The following BMAL1 variants were observed in gnomAD, a reference collection of about 807,000 sequenced individuals.
The protein encoded by BMAL1 is basic helix-loop-helix ARNT-like protein 1.
At chr11:13,367,030 T>C in the BMAL1 span, among the ~76,000 whole-genome samples, 1 of 152,358 alleles carries the variant, frequency 6.6e-6, no homozygotes, top group Non-Finnish European at 1.5e-5. Flanking sequence ...TAGACTGGAT[T>C]CTTTCTGATT....
At chr11:13,313,891 C>A in the BMAL1 span, among the ~76,000 whole-genome samples, 1 of 150,920 alleles carries the variant, frequency 6.6e-6, no homozygotes, top group African/African-American at 2.4e-5. Context: ...TTTTGCTCCC[C>A]CACCCCCACC....
At chr11:13,334,612 T>C in the BMAL1 span, among the ~76,000 whole-genome samples, 2 of 151,198 alleles carry the variant, frequency 1.3e-5, no homozygotes, top group South Asian at 4.2e-4. Flanking sequence ...GGCCAGAAAG[T>C]AGAAGGAGAG....
the BMAL1 span, among the ~76,000 whole-genome samples, chr11:13,377,994 G>A: frequency 6.6e-6 from 1 of 152,186 alleles, no homozygotes. Context: ...TGTTCATCTT[G>A]TTGGTTTTCC....
the BMAL1 span, among the ~76,000 whole-genome samples, chr11:13,350,298 C>T: frequency 6.6e-6 from 1 of 152,212 alleles, no homozygotes; most frequent in Admixed American, 6.5e-5. Flanking sequence ...ATCACCAAGA[C>T]CCTGAGGGCA....
chr11:13,366,938 G>T, the BMAL1 span, among the ~76,000 whole-genome samples: 1 of 152,066 alleles, frequency 6.6e-6, no homozygotes, highest in Non-Finnish European at 1.5e-5. Flanking sequence ...TGGCTAAATG[G>T]AATTATTTAT....
chr11:13,302,500 G>A, the BMAL1 span, among the ~76,000 whole-genome samples: 2 of 152,230 alleles, frequency 1.3e-5, no homozygotes, highest in Non-Finnish European at 2.9e-5. Flanking sequence ...TGTTTGCTAT[G>A]CTGAGGCACA....
chr11:13,323,831 G>T, the BMAL1 span, among the ~76,000 whole-genome samples: 63 of 152,222 alleles, frequency 4.1e-4, no homozygotes, highest in Middle Eastern at 3.4e-3. Flanking sequence ...TGGCCAGGCT[G>T]GTCTCAAACT....
the BMAL1 span, among the ~76,000 whole-genome samples, chr11:13,327,707 T>A: frequency 6.6e-6 from 1 of 152,176 alleles, no homozygotes; most frequent in Non-Finnish European, 1.5e-5. Flanking sequence ...TCCTGTATAG[T>A]TGTTTGTGTT....
the BMAL1 span, among the ~76,000 whole-genome samples, chr11:13,316,474 G>A: frequency 6.6e-6 from 1 of 152,038 alleles, no homozygotes; most frequent in Non-Finnish European, 1.5e-5. Flanking sequence ...TTTCTCCCCC[G>A]CTGATCTGAA....
the BMAL1 span, chr11:13,354,568 C>G: frequency 7.3e-7 from 1 of 1,370,160 alleles, no homozygotes; most frequent in East Asian, 2.5e-5. Context: ...AAAAACCCAA[C>G]TCTAGGTGGC....
At chr11:13,313,337 T>G in the BMAL1 span, among the ~76,000 whole-genome samples, 3 of 152,144 alleles carry the variant, frequency 2.0e-5, no homozygotes, top group Admixed American at 6.5e-5. Flanking sequence ...CCTCCCTGGG[T>G]GAGCTCATCC....
the BMAL1 span, chr11:13,326,315 A>G: frequency 6.6e-6 from 1 of 152,344 alleles, no homozygotes; most frequent in Non-Finnish European, 1.5e-5. Flanking sequence ...AGCCTGGTCC[A>G]GAATTCCTAA....
the BMAL1 span, among the ~76,000 whole-genome samples, chr11:13,307,442 C>A: frequency 1.3e-5 from 2 of 152,156 alleles, no homozygotes; most frequent in Non-Finnish European, 2.9e-5. Flanking sequence ...GTAGCGACAG[C>A]ATCAGTGAGG....
chr11:13,320,715 A>G, the BMAL1 span, among the ~76,000 whole-genome samples: 2 of 152,224 alleles, frequency 1.3e-5, no homozygotes, highest in African/African-American at 4.8e-5. Flanking sequence ...GTTGGTGGCT[A>G]CTGGCTGAGG....
At chr11:13,277,404 G>A in the BMAL1 span, among the ~76,000 whole-genome samples, 1 of 152,322 alleles carries the variant, frequency 6.6e-6, no homozygotes, top group East Asian at 1.9e-4. Context: ...TGGGAGACCT[G>A]AGGGGAAAGG....
At chr11:13,327,088 G>A in the BMAL1 span, among the ~76,000 whole-genome samples, 1 of 151,824 alleles carries the variant, frequency 6.6e-6, no homozygotes, top group African/African-American at 2.4e-5. Flanking sequence ...CCAAAGTGCT[G>A]GGATTACAGG....
chr11:13,278,939 G>A, the BMAL1 span, among the ~76,000 whole-genome samples: 1 of 152,226 alleles, frequency 6.6e-6, no homozygotes, highest in African/African-American at 2.4e-5. Flanking sequence ...CCTCCCCGAG[G>A]GGTCGCGAGA....
the BMAL1 span, among the ~76,000 whole-genome samples, chr11:13,371,704 G>T: frequency 6.6e-6 from 1 of 152,164 alleles, no homozygotes; most frequent in Non-Finnish European, 1.5e-5. Context: ...CCTCCAACCT[G>T]CCTTTCCAAT....
the BMAL1 span, among the ~76,000 whole-genome samples, chr11:13,278,367 C>A: frequency 1.3e-5 from 2 of 152,220 alleles, no homozygotes; most frequent in Non-Finnish European, 2.9e-5. Context: ...CTAGATGTGT[C>A]CCCGGGAGCT....
Sources: allele counts gnomAD v4.1 joint callset (sites outside exome capture counted in the v4.1 genomes callset), GRCh38; gene constraint gnomAD v4.1.1; transcripts MANE v1.5; gene names NCBI Gene and HGNC (gene_info 2026-07-23, HGNC 2026-07-21).